Variants in TBX4 observed in about 807,000 individuals in gnomAD.
TBX4 encodes T-box transcription factor 4.
A neutral mutation model predicts 54.6 loss-of-function variants in TBX4; 13 were observed. The ratio of observed to expected loss-of-function variants is 0.24; its 90% CI spans 0.15 to 0.38. TBX4 has a LOEUF of 0.38. Ranked by LOEUF, TBX4 falls within the 10% of genes least tolerant of loss-of-function variation. The pLI is 1.00. For missense variants in TBX4, 631 were observed against 728.5 expected, an observed-to-expected ratio of 0.87 and a Z score of 1.54; for synonymous variants, 314 against 306.7, an observed-to-expected ratio of 1.02 and a Z score of -0.25.
At position 61,478,801 on chromosome 17, in the gene TBX4, C is replaced by G. The variant is rs754889965; in HGVS notation, c.702+22C>G. 6.2e-7 allele frequency: 1 copy of G among 1,614,108 alleles called. No individual in the cohort carries two copies. ...CAAGGTACAGCCACTGCCCCACTGC[C>G]CCACAGCCCCACTTAACACCACCCT... On this transcript the variant is annotated intron_variant, in intron 6 of 8. Transcript: ENST00000644296. This position sits in a 1 kb window ranked among gnomAD's most constrained non-coding sequence, Gnocchi z 7.4.
Position 61,460,666 on chromosome 17 carries a change from C to A in TBX4, c.281+3035C>A, listed in dbSNP as rs1255866800. Among the ~76,000 whole-genome samples the A allele has an allele frequency of 6.6e-6, 1 of 152,130 alleles. No individual in the cohort carries two copies. The highest frequency in any genetic ancestry group is 2.1e-4 in the South Asian group (1 of 4,812). Reference sequence around the variant, plus strand: ...ATCCCTCTCTTGGCCTCCCCACATCCCTGCCAAGCTTGATACATGTGAGAA... The same window carrying A: ...ATCCCTCTCTTGGCCTCCCCACATCACTGCCAAGCTTGATACATGTGAGAA... On this transcript the variant is annotated intron_variant, in intron 3 of 8. Coordinates refer to ENST00000644296, the MANE Select transcript of TBX4 (RefSeq NM_001321120.2). This position sits in a 1 kb window ranked among gnomAD's most constrained non-coding sequence, Gnocchi z 4.4.
chr17:61,470,091 C>G (rs1259128609), intron 5 of TBX4, among the ~76,000 whole-genome samples: 2 of 152,166 alleles, frequency 1.3e-5, no homozygotes, highest in African/African-American at 4.8e-5. Flanking sequence ...AGGGTGGGCT[C>G]TCTCCTCGCG....
chr17:61,455,263 A>T (rs1023460310), intron 1 of TBX4, among the ~76,000 whole-genome samples: 4 of 152,188 alleles, frequency 2.6e-5, no homozygotes, highest in Non-Finnish European at 5.9e-5. Flanking sequence ...AAGATGGGCG[A>T]GAGGCCTGAG....
At chr17:61,456,405 T>A in intron 1 of TBX4, 83 bp from the exon 2 acceptor site, 1 of 1,522,754 alleles carries the variant, frequency 6.6e-7, no homozygotes, top group Non-Finnish European at 8.9e-7. Context: ...CCGCACGAAG[T>A]CCCGGAATCG....
intron 5 of TBX4, among the ~76,000 whole-genome samples, chr17:61,468,605 G>GTAAC (rs1490665432): frequency 3.3e-5 from 5 of 152,216 alleles, no homozygotes; most frequent in African/African-American, 9.6e-5. Flanking sequence ...TGATGGGTAT[G>GTAAC]TAACTGGCAT....
intron 2 of TBX4, 113 bp downstream of exon 2, chr17:61,456,789 C>A: frequency 2.4e-6 from 2 of 831,944 alleles, no homozygotes; most frequent in Non-Finnish European, 3.2e-6. Context: ...GAGGACCTGG[C>A]TGCATTCAGG....
At position 61,472,589 on chromosome 17, in the gene TBX4, G is replaced by A. The variant is rs1326297797; in HGVS notation, c.549+4932G>A. Among the ~76,000 whole-genome samples the A allele has an allele frequency of 1.3e-5, 2 of 152,180 alleles. No homozygotes were observed. Among genetic ancestry groups the A allele is most frequent in the African/African-American group, 2.4e-5 (1 of 41,446 alleles). On this transcript the variant is annotated intron_variant, in intron 5 of 8. Transcript: ENST00000644296. This position sits in a 1 kb window ranked among gnomAD's most constrained non-coding sequence, Gnocchi z 4.5. ...CATTTGTCATTTGGTTTTGCCTGTA[G>A]TGATATTCCCACACCGATGCTTTTG...
In TBX4 at chr17:61,458,859, G is replaced by A. The variant is rs757656267; in HGVS notation, c.281+1228G>A. On this transcript the variant is annotated intron_variant, in intron 3 of 8. Transcript: ENST00000644296. ...ACTCAGCTCTGCTGAACCACTTAGT[G>A]AATGATAGACTATTCAAAGGAAACA... Among the ~76,000 whole-genome samples the A allele has an allele frequency of 2.0e-3, 303 of 152,332 alleles. 1 individual carries two copies. Among genetic ancestry groups the A allele is most frequent in the Non-Finnish European group, 3.4e-3 (229 of 68,028 alleles).
intron 3 of TBX4, among the ~76,000 whole-genome samples, chr17:61,458,294 G>A (rs978465955): frequency 4.6e-5 from 7 of 151,060 alleles, no homozygotes; most frequent in African/African-American, 7.3e-5. Flanking sequence ...GAAGACTCAC[G>A]GCGGGGGTGG....
Position 61,467,561 on chromosome 17 carries a change from C to T in TBX4, c.453C>T (p.His151=). The change falls in exon 5 of 9, where the codon CAC becomes CAT. Residue 151 remains histidine, a synonymous_variant. Transcript: ENST00000644296. ...EPAMPGRLYV[H]PDSPATGAHW... ...CCATGCCAGGAAGGCTGTATGTCCACCCGGATTCTCCTGCCACAGGAGCCC... is the reference window on the plus strand; with the variant it reads ...CCATGCCAGGAAGGCTGTATGTCCATCCGGATTCTCCTGCCACAGGAGCCC... 1 of 1,614,196 alleles carries T rather than the reference C, an allele frequency of 6.2e-7. No homozygotes were observed. The highest frequency in any genetic ancestry group is 8.5e-7 in the Non-Finnish European group (1 of 1,180,048).
At chr17:61,477,357 G>A (rs889969523) in intron 5 of TBX4, among the ~76,000 whole-genome samples, 5 of 152,238 alleles carry the variant, frequency 3.3e-5, no homozygotes, top group Non-Finnish European at 4.4e-5. Context: ...CAACTACTGT[G>A]AGCGGCCCCC....
rs2060591596 is a variant in TBX4, at chr17:61,472,982, C to G, written c.549+5325C>G. Among the ~76,000 whole-genome samples the G allele has an allele frequency of 6.6e-6, 1 of 152,096 alleles. No homozygotes were observed. Among genetic ancestry groups the G allele is most frequent in the Non-Finnish European group, 1.5e-5 (1 of 67,996 alleles). ...TTAGTGTTTGGCAGGACTGGGCCTC[C>G]TTGATCTTCTTCAGAGTTTTCTTGG... On this transcript the variant is annotated intron_variant, in intron 5 of 8. Coordinates refer to ENST00000644296, the MANE Select transcript of TBX4 (RefSeq NM_001321120.2). The surrounding 1 kb of genome is among the most constrained non-coding windows in gnomAD (Gnocchi z 4.5).
At position 61,480,064 on chromosome 17, in the gene TBX4, T is replaced by G; in HGVS notation, c.792-26T>G. The G allele has an allele frequency of 6.2e-7, 1 of 1,612,074 alleles. No homozygotes were observed. The highest frequency in any genetic ancestry group is 8.5e-7 in the Non-Finnish European group (1 of 1,178,274). ...TGTATCTTCACTCTCTTCCTGTCTC[T>G]CCTCCTGTCCTCCCCACCCCTTCAG... is the stretch of plus-strand genomic sequence containing the variant. On this transcript the variant is annotated intron_variant, in intron 7 of 8. Transcript: ENST00000644296. This position sits in a 1 kb window ranked among gnomAD's most constrained non-coding sequence, Gnocchi z 6.2.
rs1204219719 is a variant in TBX4, at chr17:61,465,997, C to T, written c.401+59C>T. 1.2e-6 allele frequency: 2 copies of T among 1,608,934 alleles called. No homozygotes were observed. Among genetic ancestry groups the T allele is most frequent in the East Asian group, 4.5e-5 (2 of 44,582 alleles). Reference sequence around the variant, plus strand: ...CTCAACTGCCCACTTGCCACGCCCCCACCTAGTGTTTTGTCCGGGGGATTT... The same window carrying T: ...CTCAACTGCCCACTTGCCACGCCCCTACCTAGTGTTTTGTCCGGGGGATTT... On this transcript the variant is annotated intron_variant, in intron 4 of 8. Coordinates refer to ENST00000644296, the MANE Select transcript of TBX4 (RefSeq NM_001321120.2). This position sits in a 1 kb window ranked among gnomAD's most constrained non-coding sequence, Gnocchi z 4.9.
intron 1 of TBX4, among the ~76,000 whole-genome samples, chr17:61,456,248 C>T (rs2060447890): frequency 6.6e-6 from 1 of 152,218 alleles, no homozygotes; most frequent in Admixed American, 6.5e-5. Flanking sequence ...AACCCCACAC[C>T]CAGGGGCAGG....
intron 1 of TBX4, among the ~76,000 whole-genome samples, chr17:61,455,890 T>C (rs901237612): frequency 6.6e-6 from 1 of 152,112 alleles, no homozygotes. Context: ...GGGAGTGTGT[T>C]GGAGTGAAAG....
In TBX4 at chr17:61,474,315, T is replaced by A. The variant is rs1488019717; in HGVS notation, c.550-4312T>A. 6.6e-6 allele frequency among the ~76,000 whole-genome samples: 1 copy of A among 152,214 alleles called. No homozygotes were observed. The highest frequency in any genetic ancestry group is 1.5e-5 in the Non-Finnish European group (1 of 68,036). On this transcript the variant is annotated intron_variant, in intron 5 of 8. Transcript: ENST00000644296. The surrounding 1 kb of genome is among the most constrained non-coding windows in gnomAD (Gnocchi z 4.6). ...ACAGTGTTTAATTGGCACCTTCTCATTAACTCTGAGCTTGTTGAGAGCAGT... is the reference window on the plus strand; with the variant it reads ...ACAGTGTTTAATTGGCACCTTCTCAATAACTCTGAGCTTGTTGAGAGCAGT...
rs1024953112 is a variant in TBX4 at position 61,476,448 on chromosome 17, G to T, written c.550-2179G>T. 6.6e-6 allele frequency among the ~76,000 whole-genome samples: 1 copy of T among 152,236 alleles called. No individual in the cohort carries two copies. Among genetic ancestry groups the T allele is most frequent in the Non-Finnish European group, 1.5e-5 (1 of 68,032 alleles). ...CAGGTATTCCATTGCTGGATCTTCC[G>T]GGAACGTGGGTCCTTTGTGGATGCC... On this transcript the variant is annotated intron_variant, in intron 5 of 8. Transcript: ENST00000644296. The surrounding 1 kb of genome is among the most constrained non-coding windows in gnomAD (Gnocchi z 6.5).
chr17:61,473,160 G>C (rs539490925), intron 5 of TBX4, among the ~76,000 whole-genome samples: 4 of 152,296 alleles, frequency 2.6e-5, no homozygotes, highest in East Asian at 3.9e-4. Context: ...GGGTTTTCTG[G>C]TTCTTCAAAA....
Sources: allele counts gnomAD v4.1 joint callset (sites outside exome capture counted in the v4.1 genomes callset), GRCh38; gene constraint gnomAD v4.1.1; non-coding constraint Gnocchi (gnomAD v3.1); transcripts MANE v1.5; gene names NCBI Gene and HGNC (gene_info 2026-07-23, HGNC 2026-07-21).